ZNF766: variants seen among roughly 807,000 people sequenced by gnomAD.
ZNF766 encodes the protein zinc finger protein 766.
A neutral mutation model predicts 13.2 loss-of-function variants in ZNF766; 13 were observed. That is an observed-to-expected ratio of 0.98 (90% CI 0.64 to 1.56). The LOEUF (loss-of-function observed/expected upper bound fraction) is 1.56. Ranked by LOEUF, ZNF766 falls within the 40% of genes most tolerant of loss-of-function variation. ZNF766 has a pLI of 0.00. For synonymous variants in ZNF766, 178 were observed against 187.6 expected (o/e 0.95, Z 0.42); for missense variants, 521 against 552.2 (o/e 0.94, Z 0.57).
At chr19:52,286,012 G>A (rs1467553168) in intron 3 of ZNF766, among the ~76,000 whole-genome samples, 1 of 152,102 alleles carries the variant, frequency 6.6e-6, no homozygotes, top group Non-Finnish European at 1.5e-5. Context: ...GAGGGATTCT[G>A]AATCGAAATA....
At chr19:52,282,447 C>A in intron 2 of ZNF766, 1 of 376,134 alleles carries the variant, frequency 2.7e-6, no homozygotes, top group Non-Finnish European at 4.8e-6. Context: ...ACCAACCTGA[C>A]CAAAATGATA....
intron 3 of ZNF766, among the ~76,000 whole-genome samples, chr19:52,285,940 GT>G (rs1981794909): frequency 1.3e-5 from 2 of 152,126 alleles, no homozygotes; most frequent in Admixed American, 6.5e-5. Context: ...AAAAACCAAG[GT>G]ATATGTGTAT....
chr19:52,273,493 G>T lies in ZNF766; in HGVS notation c.18+3862G>T, dbSNP rs886350138. 3.9e-4 allele frequency among the ~76,000 whole-genome samples: 60 copies of T among 151,988 alleles called. 1 individual carries two copies. ...CTGTGTCCCCCTCGTTCCCTCTGCC[G>T]CAGCCACACAGACCTCTTTCCTGGG... On this transcript the variant is annotated intron_variant, in intron 1 of 3. Coordinates refer to ENST00000439461, the MANE Select transcript of ZNF766 (RefSeq NM_001010851.3).
At chr19:52,284,134 A>G (rs1457342242) in intron 3 of ZNF766, among the ~76,000 whole-genome samples, 1 of 152,230 alleles carries the variant, frequency 6.6e-6, no homozygotes, top group African/African-American at 2.4e-5. Context: ...CATGATGGAC[A>G]ATACCCTGTC....
At chr19:52,283,675 C>T (rs1226288647) in intron 3 of ZNF766, among the ~76,000 whole-genome samples, 2 of 152,126 alleles carry the variant, frequency 1.3e-5, no homozygotes, top group African/African-American at 2.4e-5. Context: ...CCTGTGAGTT[C>T]TTAAGAGAAA....
rs191540558 is a variant in ZNF766 at position 52,272,621 on chromosome 19, C to T, written c.18+2990C>T. Among the ~76,000 whole-genome samples, 330 of 152,206 alleles carry T rather than the reference C, an allele frequency of 2.2e-3. 1 individual carries two copies. The highest frequency in any genetic ancestry group is 7.3e-3 in the African/African-American group (303 of 41,538). On this transcript the variant is annotated intron_variant, in intron 1 of 3. Coordinates refer to ENST00000439461, the MANE Select transcript of ZNF766 (RefSeq NM_001010851.3). ...AGCTGGGACTCTAGGTGCATACCACCACACCTGAGTAATTTTTTTATTTTT... is the reference window on the plus strand; with the variant it reads ...AGCTGGGACTCTAGGTGCATACCACTACACCTGAGTAATTTTTTTATTTTT...
rs774939513 is a variant in ZNF766 at position 52,269,618 on chromosome 19, C to G, written c.5C>G (p.Ala2Gly). The G allele has an allele frequency of 2.7e-5, 43 of 1,612,568 alleles. No homozygotes were observed. The highest frequency in any genetic ancestry group is 1.2e-4 in the Admixed American group (7 of 59,944). Residue 2 changes from alanine (A) to glycine (G), a missense_variant, in exon 1 of 4, where the codon GCG becomes GGG. By Grantham distance (60) the Ala-to-Gly change is moderately conservative. Coordinates refer to ENST00000439461, the MANE Select transcript of ZNF766 (RefSeq NM_001010851.3). Reference sequence around the variant, plus strand: ...GGAAGTGGATGGCGTGGAGATATGGCGCAACTGCGGCGCGTGAGTTTTCCT... The same window carrying G: ...GGAAGTGGATGGCGTGGAGATATGGGGCAACTGCGGCGCGTGAGTTTTCCT... M[A>G]QLRRGHLTFR... is the part of the protein sequence containing the mutation.
intron 3 of ZNF766, among the ~76,000 whole-genome samples, chr19:52,289,245 G>A (rs1411717166): frequency 6.8e-6 from 1 of 148,104 alleles, no homozygotes; most frequent in African/African-American, 2.5e-5. Flanking sequence ...CTGCCTGCCG[G>A]GTTCAAGCAG....
In ZNF766 at chr19:52,292,824, T is replaced by G. The variant is rs911903651; in HGVS notation, c.*1626T>G. On this transcript the variant is annotated 3_prime_UTR_variant, in exon 4 of 4. Transcript: ENST00000439461. ...GCACCATTAGGATTTTTAAATTAAT[T>G]TATTTTTAAAATTAAAGTTCTAGTG... 4 of 152,220 alleles carry G rather than the reference T, an allele frequency of 2.6e-5. No homozygotes were observed. Among genetic ancestry groups the G allele is most frequent in the Non-Finnish European group, 4.4e-5 (3 of 68,044 alleles). 9.4% of individuals were successfully genotyped at this position (152,220 alleles called of 1,614,324 possible).
chr19:52,290,452 G>T lies in ZNF766; in HGVS notation c.661G>T (p.Gly221Cys). 6.2e-7 allele frequency: 1 copy of T among 1,613,876 alleles called. No individual in the cohort carries two copies. The highest frequency in any genetic ancestry group is 1.6e-4 in the Middle Eastern group (1 of 6,062). The change falls in exon 4 of 4, where the codon GGT (glycine) becomes TGT (cysteine). Residue 221 changes from glycine (G) to cysteine (C), a missense_variant. Physicochemically the swap from Gly to Cys is radical, Grantham distance 159. Transcript: ENST00000439461. The stretch of plus-strand genomic sequence containing the variant: ...TAAACCTAACAGATGTCATGAATGT[G>T]GTAAAACCGTCAGGGACAAGTCAGG... The part of the protein sequence containing the change: ...ADKPNRCHEC[G>C]KTVRDKSGLA...
chr19:52,276,709 A>G (rs916383023), intron 1 of ZNF766, among the ~76,000 whole-genome samples: 1 of 152,194 alleles, frequency 6.6e-6, no homozygotes, highest in Admixed American at 6.5e-5. Context: ...TCCAAGTTTC[A>G]TTCACTCAGG....
At chr19:52,286,574 C>T (rs568539214) in intron 3 of ZNF766, among the ~76,000 whole-genome samples, 4 of 149,102 alleles carry the variant, frequency 2.7e-5, no homozygotes, top group South Asian at 4.2e-4. Context: ...CCGTGCCTGG[C>T]GAGTGTTTTT....
rs1482135740 is a variant in ZNF766 at position 52,292,143 on chromosome 19, C to T, written c.*945C>T. On this transcript the variant is annotated 3_prime_UTR_variant, in exon 4 of 4. Transcript: ENST00000439461. ...TTTGAAATTTCTTCATGTGCCTTCC[C>T]TACAGGCCTTTCACTGTGGTCTGGG... The T allele has an allele frequency of 2.8e-6, 2 of 702,828 alleles. No individual in the cohort carries two copies. Among genetic ancestry groups the T allele is most frequent in the South Asian group, 3.0e-5 (2 of 67,560 alleles). 43.5% of individuals were successfully genotyped at this position (702,828 alleles called of 1,614,324 possible).
At chr19:52,271,234 C>T (rs972447937) in intron 1 of ZNF766, among the ~76,000 whole-genome samples, 4 of 152,080 alleles carry the variant, frequency 2.6e-5, no homozygotes, top group African/African-American at 9.7e-5. Flanking sequence ...GTTTTGGAAA[C>T]CGTTAATTTT....
At chr19:52,273,049 A>G (rs566000122) in intron 1 of ZNF766, among the ~76,000 whole-genome samples, 2 of 151,768 alleles carry the variant, frequency 1.3e-5, no homozygotes, top group Admixed American at 1.3e-4. Context: ...TTGCTGTGTC[A>G]CCAGGCTGGA....
At chr19:52,278,064 C>G (rs1415271384) in intron 1 of ZNF766, among the ~76,000 whole-genome samples, 1 of 151,266 alleles carries the variant, frequency 6.6e-6, no homozygotes, top group Non-Finnish European at 1.5e-5. Flanking sequence ...CCTCTACCTC[C>G]CAGGCTCAAG....
chr19:52,287,211 C>T lies in ZNF766; in HGVS notation c.275-2855C>T, dbSNP rs566687958. Among the ~76,000 whole-genome samples the T allele has an allele frequency of 7.0e-4, 106 of 151,760 alleles. 1 individual carries two copies. In the South Asian group the frequency reaches 0.021, roughly 30 times the overall value. On this transcript the variant is annotated intron_variant, in intron 3 of 3. Coordinates refer to ENST00000439461, the MANE Select transcript of ZNF766 (RefSeq NM_001010851.3). Reference sequence around the variant, plus strand: ...AGGCTGGAATGCAGTGGTGTGACCTCGGCTCACTGCAACCTCCGCCTCCCG... The same window carrying T: ...AGGCTGGAATGCAGTGGTGTGACCTTGGCTCACTGCAACCTCCGCCTCCCG...
rs1390629030 is a variant in ZNF766 at position 52,292,286 on chromosome 19, T to C, written c.*1088T>C. 3.0e-6 allele frequency: 2 copies of C among 675,464 alleles called. No homozygotes were observed. Among genetic ancestry groups the C allele is most frequent in the African/African-American group, 1.8e-5 (1 of 55,816 alleles). 41.8% of individuals were successfully genotyped at this position (675,464 alleles called of 1,614,324 possible). On this transcript the variant is annotated 3_prime_UTR_variant, in exon 4 of 4. Coordinates refer to ENST00000439461, the MANE Select transcript of ZNF766 (RefSeq NM_001010851.3). ...TAAAGATTGTCTGATTTAGAGACCATGGAGGTGGACAGAGAATAACAAAAC... is the reference window on the plus strand; with the variant it reads ...TAAAGATTGTCTGATTTAGAGACCACGGAGGTGGACAGAGAATAACAAAAC...
chr19:52,269,740 C>A, intron 1 of ZNF766, 109 bp downstream of exon 1: 1 of 1,373,500 alleles, frequency 7.3e-7, no homozygotes, highest in Non-Finnish European at 1.0e-6. Context: ...ACCGCTCTCT[C>A]CACCCCGAGT....
Sources: gnomAD v4.1 joint callset for allele counts (sites outside exome capture counted in the v4.1 genomes callset) on GRCh38, gnomAD v4.1.1 for gene constraint, MANE v1.5 for transcripts, NCBI Gene and HGNC (gene_info 2026-07-23, HGNC 2026-07-21) for gene names.